Variants in RXRA observed in about 807,000 individuals in gnomAD.
RXRA encodes retinoid X receptor alpha, also known as retinoic acid receptor RXR-alpha.
Under a neutral mutation model 44.5 loss-of-function variants are expected in RXRA, and 5 were observed. The observed-to-expected ratio is 0.11, with a 90% CI of 0.06 to 0.24. RXRA has a LOEUF of 0.24. Ranked by LOEUF, RXRA falls within the 10% of genes least tolerant of loss-of-function variation. The probability of loss-of-function intolerance (pLI) is 1.00; values close to 1 mark genes in which losing one functional copy is unlikely to be tolerated. For synonymous variants in RXRA, 291 were observed against 271.4 expected, an observed-to-expected ratio of 1.07 and a Z score of -0.71; for missense variants, 412 against 646.5, an observed-to-expected ratio of 0.64 and a Z score of 3.93.
rs1228173289 is a variant in RXRA, at chr9:134,417,530, C to T, written c.780+203C>T. Reference sequence around the variant, plus strand: ...TGGGCGGCACTCTCCTCTCCTGGCCCATGCACGAGTAGCCCATGGGGCAGG... The same window carrying T: ...TGGGCGGCACTCTCCTCTCCTGGCCTATGCACGAGTAGCCCATGGGGCAGG... On this transcript the variant is annotated intron_variant, in intron 5 of 9. Coordinates refer to ENST00000481739, the MANE Select transcript of RXRA (RefSeq NM_002957.6). This position sits in a 1 kb window ranked among gnomAD's most constrained non-coding sequence, Gnocchi z 6.1. Among the ~76,000 whole-genome samples, 1 of 152,138 alleles carries T rather than the reference C, an allele frequency of 6.6e-6. No homozygotes were observed. The highest frequency in any genetic ancestry group is 6.5e-5 in the Admixed American group (1 of 15,282).
chr9:134,368,940 G>A (rs1299988713), intron 1 of RXRA, among the ~76,000 whole-genome samples: 6 of 3,324 alleles, frequency 1.8e-3, no homozygotes, highest in Non-Finnish European at 3.5e-3. Context: ...CGGGGGTTAT[G>A]TATGTGTGTG....
chr9:134,422,378 C>T (rs1444520412), intron 6 of RXRA: 15 of 1,277,518 alleles, frequency 1.2e-5, no homozygotes, highest in African/African-American at 3.1e-5. Flanking sequence ...CGGGACACTC[C>T]CCCCTCCCGG....
intron 4 of RXRA, among the ~76,000 whole-genome samples, chr9:134,415,504 G>C (rs1307360523): frequency 6.6e-6 from 1 of 152,160 alleles, no homozygotes; most frequent in Non-Finnish European, 1.5e-5. Context: ...CAGTCCATGG[G>C]TGGCTGGTGC....
In RXRA at chr9:134,366,171, G is replaced by A. The variant is rs141911572; in HGVS notation, c.29-35461G>A. Reference sequence around the variant, plus strand: ...AGGCACCAGGGCCCCAGTGGGAGGCGGCAGAGCCTCTGGTGGCTCCGTGTG... The same window carrying A: ...AGGCACCAGGGCCCCAGTGGGAGGCAGCAGAGCCTCTGGTGGCTCCGTGTG... On this transcript the variant is annotated intron_variant, in intron 1 of 9. Coordinates refer to ENST00000481739, the MANE Select transcript of RXRA (RefSeq NM_002957.6). This position sits in a 1 kb window ranked among gnomAD's most constrained non-coding sequence, Gnocchi z 5.9. Among the ~76,000 whole-genome samples, 159 of 152,236 alleles carry A rather than the reference G, an allele frequency of 1.0e-3. 1 individual carries two copies. The highest frequency in any genetic ancestry group is 3.7e-3 in the African/African-American group (155 of 41,552).
chr9:134,435,380 TC>T (rs1186649372), intron 9 of RXRA, among the ~76,000 whole-genome samples: 6 of 144,574 alleles, frequency 4.2e-5, no homozygotes, highest in Admixed American at 4.1e-4. Context: ...GCCCCAGACT[TC>T]CCCCCTCCCT....
At chr9:134,350,751 G>A (rs1554749346) in intron 1 of RXRA, among the ~76,000 whole-genome samples, 1 of 152,210 alleles carries the variant, frequency 6.6e-6, no homozygotes, top group Non-Finnish European at 1.5e-5. Flanking sequence ...GTGGGTGGGG[G>A]TGGGGATTGG....
intron 6 of RXRA, among the ~76,000 whole-genome samples, chr9:134,428,387 T>C (rs1243089679): frequency 7.9e-6 from 1 of 126,034 alleles, no homozygotes; most frequent in Admixed American, 8.0e-5. Context: ...ACCCCCACTA[T>C]GTTGAGAGGC....
At chr9:134,386,948 C>T (rs1588279760) in intron 1 of RXRA, among the ~76,000 whole-genome samples, 1 of 152,194 alleles carries the variant, frequency 6.6e-6, no homozygotes, top group African/African-American at 2.4e-5. Flanking sequence ...ACTTGTGTAG[C>T]CGGAGGGGTG....
At chr9:134,362,503 G>T (rs1439650886) in intron 1 of RXRA, among the ~76,000 whole-genome samples, 2 of 152,232 alleles carry the variant, frequency 1.3e-5, no homozygotes, top group Non-Finnish European at 2.9e-5. Flanking sequence ...GAGCTTCAAG[G>T]GGGCAGGAGC....
chr9:134,370,482 G>T (rs1299328262), intron 1 of RXRA, among the ~76,000 whole-genome samples: 1 of 152,228 alleles, frequency 6.6e-6, no homozygotes, highest in Non-Finnish European at 1.5e-5. Context: ...TCGCCGTGGG[G>T]CATCACCTCT....
At chr9:134,360,940 G>C (rs7871655) in intron 1 of RXRA, among the ~76,000 whole-genome samples, 53,736 of 152,136 alleles carry the variant, frequency 0.35, 12,166 homozygotes, top group African/African-American at 0.65. Flanking sequence ...CCTCAGAATT[G>C]CGGGTGACTC....
At chr9:134,393,987 C>G (rs1290656331) in intron 1 of RXRA, among the ~76,000 whole-genome samples, 1 of 151,784 alleles carries the variant, frequency 6.6e-6, no homozygotes, top group Non-Finnish European at 1.5e-5. Flanking sequence ...CCAAGAGGAC[C>G]CAAAACACCA....
chr9:134,329,431 G>A (rs1414044264), intron 1 of RXRA, among the ~76,000 whole-genome samples: 5 of 152,234 alleles, frequency 3.3e-5, no homozygotes, highest in African/African-American at 7.2e-5. Context: ...GGAGGTGTCA[G>A]GGAGAGAAAA....
intron 1 of RXRA, among the ~76,000 whole-genome samples, chr9:134,397,984 T>TA (rs201280129): frequency 3.7e-4 from 57 of 152,136 alleles, no homozygotes; most frequent in African/African-American, 1.3e-3. Context: ...TTTTTATTTT[T>TA]TATTTTTTTT....
intron 1 of RXRA, among the ~76,000 whole-genome samples, chr9:134,376,436 C>A (rs1369530366): frequency 6.6e-6 from 1 of 152,222 alleles, no homozygotes; most frequent in Non-Finnish European, 1.5e-5. Context: ...AGTGGCCCAA[C>A]CACAGCCCCC....
At chr9:134,428,647 G>A (rs1831477727) in intron 6 of RXRA, among the ~76,000 whole-genome samples, 1 of 152,186 alleles carries the variant, frequency 6.6e-6, no homozygotes, top group Non-Finnish European at 1.5e-5. Context: ...AAGAGGCTGC[G>A]GCTCTCACGC....
At chr9:134,369,786 C>T (rs12351482) in intron 1 of RXRA, among the ~76,000 whole-genome samples, 39,478 of 151,998 alleles carry the variant, frequency 0.26, 5,363 homozygotes, top group African/African-American at 0.33. Flanking sequence ...CATTTGGAGG[C>T]AGAGGTGTGG....
At chr9:134,354,503 C>G (rs1240203614) in intron 1 of RXRA, among the ~76,000 whole-genome samples, 1 of 152,202 alleles carries the variant, frequency 6.6e-6, no homozygotes, top group African/African-American at 2.4e-5. Flanking sequence ...GCCCATCAGG[C>G]ACTATTGAAG....
In RXRA at chr9:134,408,991, G is replaced by A; in HGVS notation, c.482G>A (p.Arg161Gln). 6.2e-7 allele frequency: 1 copy of A among 1,608,486 alleles called. No individual in the cohort carries two copies. The highest frequency in any genetic ancestry group is 8.5e-7 in the Non-Finnish European group (1 of 1,177,484). Residue 161 changes from arginine (R) to glutamine (Q), a missense_variant, in exon 4 of 10, where the codon CGG (arginine) becomes CAG (glutamine). Physicochemically the swap from Arg to Gln is conservative, Grantham distance 43. Around this residue, in one of 4 missense-constraint regions of RXRA, gnomAD observed 48 missense variants for 119.9 expected, o/e 0.40. Transcript: ENST00000481739. ...GAGGGGTGCAAGGGCTTCTTCAAGCGGACGGTGCGCAAGGACCTGACCTAC... is the reference window on the plus strand; with the variant it reads ...GAGGGGTGCAAGGGCTTCTTCAAGCAGACGGTGCGCAAGGACCTGACCTAC... ...SCEGCKGFFK[R>Q]TVRKDLTYTC... is the part of the protein sequence containing the mutation.
Sources: gnomAD v4.1 joint callset for allele counts (sites outside exome capture counted in the v4.1 genomes callset) on GRCh38, gnomAD v4.1.1 for gene constraint, gnomAD v4.1.1 regional missense constraint, Gnocchi (gnomAD v3.1) non-coding constraint, MANE v1.5 for transcripts, NCBI Gene and HGNC (gene_info 2026-07-23, HGNC 2026-07-21) for gene names.